Variants in PPP2R2B observed in about 807,000 individuals in gnomAD.
The protein encoded by PPP2R2B is protein phosphatase 2 regulatory subunit Bbeta.
Under a neutral mutation model 46.0 loss-of-function variants are expected in PPP2R2B, and 5 were observed. The ratio of observed to expected loss-of-function variants is 0.11; its 90% CI spans 0.06 to 0.23. The LOEUF is 0.23. Among genes scored for constraint, PPP2R2B ranks in the 10% least tolerant of loss-of-function variants. PPP2R2B has a pLI of 1.00. For missense variants in PPP2R2B, 367 were observed against 575.0 expected (o/e 0.64, Z 3.70); for synonymous variants, 215 against 206.7 (o/e 1.04, Z -0.34).
At chr5:146,695,037 C>A (rs574163840) in intron 4 of PPP2R2B, among the ~76,000 whole-genome samples, 7 of 151,920 alleles carry the variant, frequency 4.6e-5, no homozygotes, top group African/African-American at 1.7e-4. Context: ...TACTAGTAAA[C>A]TAAAGAAGAA....
At chr5:146,687,532 C>T (rs1316924773) in intron 5 of PPP2R2B, among the ~76,000 whole-genome samples, 1 of 152,128 alleles carries the variant, frequency 6.6e-6, no homozygotes, top group East Asian at 1.9e-4. Context: ...ACCTGTCCTG[C>T]CCTCCTCATT....
At chr5:146,677,557 G>A (rs1777821919) in intron 5 of PPP2R2B, among the ~76,000 whole-genome samples, 1 of 110,588 alleles carries the variant, frequency 9.0e-6, no homozygotes, top group Admixed American at 1.4e-4. Flanking sequence ...CCCTCTGTCT[G>A]AGACAGGGTC....
chr5:147,054,802 C>T (rs1159033364), intron 1 of PPP2R2B: 2 of 401,696 alleles, frequency 5.0e-6, no homozygotes, highest in South Asian at 1.8e-5. Context: ...GTAGGACAAT[C>T]CTTAAGCCTG....
intron 1 of PPP2R2B, among the ~76,000 whole-genome samples, chr5:146,985,017 C>CTTTTTTTTT (rs34277498): frequency 4.0e-5 from 4 of 99,492 alleles, no homozygotes; most frequent in Admixed American, 1.2e-4. Context: ...TTTTCTTTTT[C>CTTTTTTTTT]TTTTTTTTTT....
At chr5:146,831,851 A>G (rs1758961750) in intron 2 of PPP2R2B, among the ~76,000 whole-genome samples, 1 of 152,180 alleles carries the variant, frequency 6.6e-6, no homozygotes, top group Admixed American at 6.5e-5. Context: ...AGAGGAAGGC[A>G]TTGTTATTTT....
chr5:146,894,820 T>C (rs1762595666), intron 1 of PPP2R2B, among the ~76,000 whole-genome samples: 1 of 152,270 alleles, frequency 6.6e-6, no homozygotes, highest in African/African-American at 2.4e-5. Context: ...ATTCATGAGC[T>C]TCCTAAATGT....
chr5:146,596,112 A>T (rs753918344), intron 8 of PPP2R2B, among the ~76,000 whole-genome samples: 1 of 152,266 alleles, frequency 6.6e-6, no homozygotes, highest in Non-Finnish European at 1.5e-5. Context: ...GGAAGCAGCC[A>T]TAGAAGATAT....
intron 1 of PPP2R2B, among the ~76,000 whole-genome samples, chr5:146,968,367 C>T (rs562491757): frequency 1.3e-5 from 2 of 152,214 alleles, no homozygotes; most frequent in Non-Finnish European, 2.9e-5. Context: ...CTAAGTATCA[C>T]CTCTGTTTCA....
chr5:146,592,314 A>C (rs969482317), intron 9 of PPP2R2B: 3 of 211,288 alleles, frequency 1.4e-5, no homozygotes, highest in African/African-American at 4.7e-5. Flanking sequence ...TTGCCATAAC[A>C]GAATTTCTAT....
intron 7 of PPP2R2B, among the ~76,000 whole-genome samples, chr5:146,614,914 C>G (rs1772978994): frequency 8.5e-6 from 1 of 117,536 alleles, no homozygotes; most frequent in African/African-American, 4.6e-5. Context: ...GGACTGTAAA[C>G]TAGTTCAACC....
At chr5:146,669,685 T>C (rs1581835044) in intron 5 of PPP2R2B, among the ~76,000 whole-genome samples, 1 of 152,312 alleles carries the variant, frequency 6.6e-6, no homozygotes, top group East Asian at 1.9e-4. Context: ...CTGTATGCTT[T>C]ACATACGTTA....
chr5:146,817,320 A>C (rs981682546), intron 2 of PPP2R2B, among the ~76,000 whole-genome samples: 1 of 152,124 alleles, frequency 6.6e-6, no homozygotes, highest in African/African-American at 2.4e-5. Context: ...TCTCTTCCCC[A>C]CTGACTTGGA....
intron 2 of PPP2R2B, among the ~76,000 whole-genome samples, chr5:147,067,164 A>G (rs1357579648): frequency 6.6e-6 from 1 of 152,198 alleles, no homozygotes. Flanking sequence ...TATCTTACAT[A>G]CTTATTATTT....
At chr5:147,014,809 C>CAT (rs1356252713) in intron 1 of PPP2R2B, among the ~76,000 whole-genome samples, 2 of 151,704 alleles carry the variant, frequency 1.3e-5, no homozygotes. Flanking sequence ...GGGTGCAGTG[C>CAT]ACCAGCATGG....
At chr5:146,662,098 C>T (rs1006298874) in intron 5 of PPP2R2B, among the ~76,000 whole-genome samples, 3 of 152,044 alleles carry the variant, frequency 2.0e-5, no homozygotes, top group African/African-American at 7.3e-5. Flanking sequence ...CTTTGATCAC[C>T]GAGGATTGAC....
At chr5:147,065,357 G>A (rs1023528125) in intron 2 of PPP2R2B, among the ~76,000 whole-genome samples, 1 of 152,144 alleles carries the variant, frequency 6.6e-6, no homozygotes, top group Non-Finnish European at 1.5e-5. Flanking sequence ...TATGTGTGTA[G>A]TGCTGGAGGT....
intron 5 of PPP2R2B, among the ~76,000 whole-genome samples, chr5:146,671,937 GAATT>G (rs1366279569): frequency 2.0e-5 from 3 of 152,138 alleles, no homozygotes; most frequent in African/African-American, 7.2e-5. Flanking sequence ...GTTGGACTAA[GAATT>G]AAGTTAAACG....
At chr5:146,644,891 C>T (rs1466066227) in intron 6 of PPP2R2B, among the ~76,000 whole-genome samples, 1 of 152,154 alleles carries the variant, frequency 6.6e-6, no homozygotes, top group Non-Finnish European at 1.5e-5. Context: ...CTTTCATATG[C>T]CTCTGTCCCT....
At chr5:146,810,174 C>T (rs1429637951) in intron 2 of PPP2R2B, among the ~76,000 whole-genome samples, 4 of 152,096 alleles carry the variant, frequency 2.6e-5, no homozygotes, top group Non-Finnish European at 4.4e-5. Flanking sequence ...TGTATTAGTT[C>T]GTTTTCACAC....
Sources: allele counts gnomAD v4.1 joint callset (sites outside exome capture counted in the v4.1 genomes callset), GRCh38; gene constraint gnomAD v4.1.1; transcripts MANE v1.5; gene names NCBI Gene and HGNC (gene_info 2026-07-23, HGNC 2026-07-21).